The following MBD5 variants were observed in gnomAD, a reference collection of about 807,000 sequenced individuals.
MBD5 encodes methyl-CpG-binding domain protein 5.
MBD5 carries 13 observed loss-of-function variants against 117.3 expected under a neutral mutation model. That is an observed-to-expected ratio of 0.11 (90% CI 0.07 to 0.18). The LOEUF (loss-of-function observed/expected upper bound fraction) is 0.18. Among genes scored for constraint, MBD5 ranks in the 10% least tolerant of loss-of-function variants. The probability of loss-of-function intolerance (pLI) is 1.00; values close to 1 mark genes in which losing one functional copy is unlikely to be tolerated. For synonymous variants in MBD5, 727 were observed against 766.4 expected, an observed-to-expected ratio of 0.95 and a Z score of 0.85; for missense variants, 1,879 against 2,093.8, an observed-to-expected ratio of 0.90 and a Z score of 2.00.
intron 3 of MBD5, among the ~76,000 whole-genome samples, chr2:148,293,147 CAAAAAAAA>C (rs35179123): frequency 2.4e-5 from 2 of 84,926 alleles, no homozygotes; most frequent in Non-Finnish European, 2.3e-5. Flanking sequence ...AACCTTGCCT[CAAAAAAAA>C]AAAAAAAAAA....
chr2:148,276,691 T>A (rs1391110667), intron 3 of MBD5, among the ~76,000 whole-genome samples: 1 of 152,208 alleles, frequency 6.6e-6, no homozygotes, highest in African/African-American at 2.4e-5. Flanking sequence ...CCAATCTGGG[T>A]TCCACTTGAG....
intron 1 of MBD5, among the ~76,000 whole-genome samples, chr2:148,092,402 A>C (rs748461023): frequency 3.6e-4 from 55 of 152,340 alleles, no homozygotes; most frequent in Admixed American, 6.5e-4. Flanking sequence ...GCAAAAATAA[A>C]GAACCAGCCT....
At position 148,458,570 on chromosome 2, in the gene MBD5, C is replaced by A; in HGVS notation, c.-189C>A. The A allele has an allele frequency of 4.8e-6, 3 of 623,786 alleles. 1 individual carries two copies. The South Asian group carries it at 5.7e-5, about 12-fold the overall frequency. 38.6% of individuals were successfully genotyped at this position (623,786 alleles called of 1,614,324 possible). ...ATTTAATGTAGATTATAATGGGAAG[C>A]TGATTTTTTTCACAATGGCATATTT... On this transcript the variant is annotated 5_prime_UTR_variant, in exon 5 of 14. It adds an upstream start codon to the 5' untranslated region. Coordinates refer to ENST00000642680, the MANE Select transcript of MBD5 (RefSeq NM_001378120.1).
intron 4 of MBD5, among the ~76,000 whole-genome samples, chr2:148,350,001 C>A (rs1156242103): frequency 2.6e-5 from 4 of 151,922 alleles, no homozygotes; most frequent in Non-Finnish European, 5.9e-5. Context: ...TATCTTAACA[C>A]TGGAGCTTCG....
intron 4 of MBD5, among the ~76,000 whole-genome samples, chr2:148,443,187 C>T (rs533693652): frequency 6.6e-6 from 1 of 151,512 alleles, no homozygotes; most frequent in East Asian, 1.9e-4. Context: ...AACAAAACTA[C>T]AGTGAGATAC....
chr2:148,136,480 G>T (rs774665579), intron 1 of MBD5, among the ~76,000 whole-genome samples: 1 of 152,150 alleles, frequency 6.6e-6, no homozygotes, highest in Non-Finnish European at 1.5e-5. Context: ...TGTGACAGTG[G>T]TCTCTCTCTG....
intron 1 of MBD5, among the ~76,000 whole-genome samples, chr2:148,171,779 AAAAATCAACATAC>A (rs1644177481): frequency 6.6e-6 from 1 of 152,264 alleles, no homozygotes; most frequent in African/African-American, 2.4e-5. Flanking sequence ...GCAGGATACA[AAAAATCAACATAC>A]AAAAATCAGA....
intron 1 of MBD5, among the ~76,000 whole-genome samples, chr2:148,084,538 G>C (rs1039806737): frequency 2.0e-5 from 3 of 152,042 alleles, no homozygotes; most frequent in Non-Finnish European, 4.4e-5. Context: ...TGGAAATTTA[G>C]GCCAATTGAG....
chr2:148,312,534 C>G (rs1185341588), intron 3 of MBD5, among the ~76,000 whole-genome samples: 1 of 152,126 alleles, frequency 6.6e-6, no homozygotes, highest in African/African-American at 2.4e-5. Flanking sequence ...ACTGGTTATT[C>G]TACTTAGCAA....
intron 4 of MBD5, among the ~76,000 whole-genome samples, chr2:148,366,727 A>G (rs894354824): frequency 2.0e-5 from 3 of 152,202 alleles, no homozygotes; most frequent in Admixed American, 1.3e-4. Flanking sequence ...CCCATTTACA[A>G]TTGCTACAAA....
At chr2:148,075,144 A>T (rs1186091945) in intron 1 of MBD5, among the ~76,000 whole-genome samples, 1 of 152,224 alleles carries the variant, frequency 6.6e-6, no homozygotes, top group Admixed American at 6.5e-5. Context: ...AGAATAGAAT[A>T]AGGCAACTAA....
chr2:148,088,956 A>G (rs987896282), intron 1 of MBD5, among the ~76,000 whole-genome samples: 3 of 152,166 alleles, frequency 2.0e-5, no homozygotes, highest in Non-Finnish European at 2.9e-5. Flanking sequence ...TGTCTTCAAG[A>G]GACTCACCTA....
At chr2:148,339,191 T>C (rs1042294087) in intron 3 of MBD5, among the ~76,000 whole-genome samples, 30 of 152,144 alleles carry the variant, frequency 2.0e-4, no homozygotes, top group Non-Finnish European at 4.3e-4. Context: ...GGTGCTTCCA[T>C]CCCCTTTTCT....
intron 4 of MBD5, among the ~76,000 whole-genome samples, chr2:148,412,364 G>C (rs1392237963): frequency 2.0e-5 from 3 of 151,800 alleles, no homozygotes; most frequent in East Asian, 1.9e-4. Context: ...GAGACAGAGA[G>C]AGAGAGTGAG....
chr2:148,481,614 C>T (rs1681156619), intron 8 of MBD5: 1 of 151,918 alleles, frequency 6.6e-6, no homozygotes, highest in Non-Finnish European at 1.5e-5. Context: ...AATGGATTTA[C>T]AACAGGGAAA....
At chr2:148,449,279 TC>T (rs1243799016) in intron 4 of MBD5, among the ~76,000 whole-genome samples, 1 of 152,228 alleles carries the variant, frequency 6.6e-6, no homozygotes, top group African/African-American at 2.4e-5. Flanking sequence ...ACTTCCCACC[TC>T]CTTATGTATT....
intron 3 of MBD5, among the ~76,000 whole-genome samples, chr2:148,321,159 A>G (rs1165776878): frequency 2.6e-5 from 4 of 152,226 alleles, no homozygotes; most frequent in African/African-American, 9.6e-5. Context: ...ATATTGTTCA[A>G]TGAAATATAA....
At chr2:148,382,208 C>G (rs1704169884) in intron 4 of MBD5, among the ~76,000 whole-genome samples, 1 of 151,406 alleles carries the variant, frequency 6.6e-6, no homozygotes, top group South Asian at 2.1e-4. Flanking sequence ...TTCAGGAAAC[C>G]CATCTCACGT....
chr2:148,104,007 A>T (rs374933909), intron 1 of MBD5, among the ~76,000 whole-genome samples: 24 of 152,142 alleles, frequency 1.6e-4, no homozygotes, highest in African/African-American at 5.8e-4. Flanking sequence ...CATTAACCTG[A>T]GTACCCTACT....
Sources: gnomAD v4.1 joint callset for allele counts (sites outside exome capture counted in the v4.1 genomes callset) on GRCh38, gnomAD v4.1.1 for gene constraint, MANE v1.5 for transcripts, NCBI Gene and HGNC (gene_info 2026-07-23, HGNC 2026-07-21) for gene names.